The following ST3GAL5 variants were observed in gnomAD, a reference collection of about 807,000 sequenced individuals.
ST3GAL5 encodes the protein ST3 beta-galactoside alpha-2,3-sialyltransferase 5.
In ST3GAL5, 25 loss-of-function variants were observed where a neutral mutation model predicts 46.1. The ratio of observed to expected loss-of-function variants is 0.54; its 90% CI spans 0.40 to 0.76. The LOEUF is 0.76. Among genes scored for constraint, ST3GAL5 ranks in the 30% least tolerant of loss-of-function variants. The pLI, the probability that ST3GAL5 is intolerant of heterozygous loss-of-function variation, is 0.00. For synonymous variants in ST3GAL5, 182 were observed against 192.7 expected, an observed-to-expected ratio of 0.94 and a Z score of 0.46; for missense variants, 431 against 521.2, an observed-to-expected ratio of 0.83 and a Z score of 1.69.
chr2:85,847,116 A>AAACCAAAAAAGAATCTAGGATG (rs1682888884), intron 4 of ST3GAL5, among the ~76,000 whole-genome samples: 1 of 152,170 alleles, frequency 6.6e-6, no homozygotes, highest in Non-Finnish European at 1.5e-5. Flanking sequence ...TTAAACAGTG[A>AAACCAAAAAAGAATCTAGGATG]AACCAAAAAA....
chr2:85,848,037 A>G lies in ST3GAL5; in HGVS notation c.486T>C (p.Phe162=). 1 of 1,614,172 alleles carries G rather than the reference A, an allele frequency of 6.2e-7. No individual in the cohort carries two copies. Among genetic ancestry groups the G allele is most frequent in the African/African-American group, 1.3e-5 (1 of 75,044 alleles). The change falls in exon 4 of 7, where the codon TTT becomes TTC. Residue 162 remains phenylalanine, a synonymous_variant. Transcript: ENST00000638572. ...CTTTACTGGAGAACTTCCGGAACCCAAAAGGAGGATCGTACTTGGACTCAG... is the reference window on the plus strand; with the variant it reads ...CTTTACTGGAGAACTTCCGGAACCCGAAAGGAGGATCGTACTTGGACTCAG... ...SEAESKYDPP[F]GFRKFSSKVQ... is the part of the protein sequence containing the mutation.
At chr2:85,840,598 TGTTCACAC>T (rs1471416371) in intron 6 of ST3GAL5, 1 of 623,552 alleles carries the variant, frequency 1.6e-6, no homozygotes, top group Non-Finnish European at 2.8e-6. Flanking sequence ...TGGTCTGTGA[TGTTCACAC>T]ACTTTCAAGG....
chr2:85,846,673 T>C (rs1682829685), intron 4 of ST3GAL5, 110 bp from the exon 5 acceptor site: 6 of 1,080,072 alleles, frequency 5.6e-6, no homozygotes, highest in Non-Finnish European at 8.4e-6. Flanking sequence ...TGACTAAGAA[T>C]GAGTGCATGG....
At chr2:85,852,146 G>A (rs1683580266) in intron 3 of ST3GAL5, among the ~76,000 whole-genome samples, 1 of 152,144 alleles carries the variant, frequency 6.6e-6, no homozygotes, top group Non-Finnish European at 1.5e-5. Flanking sequence ...TTAGTAAAAG[G>A]CAATGTTCTA....
intron 6 of ST3GAL5, among the ~76,000 whole-genome samples, 181 bp downstream of exon 6, chr2:85,844,215 C>T (rs1682484682): frequency 1.3e-5 from 2 of 151,968 alleles, no homozygotes; most frequent in Admixed American, 1.3e-4. Flanking sequence ...GAGAGAAGGC[C>T]AATTAAACAA....
intron 3 of ST3GAL5, chr2:85,851,199 G>A (rs1683464476): frequency 2.0e-6 from 2 of 1,017,778 alleles, no homozygotes; most frequent in African/African-American, 3.4e-5. Context: ...ATAGATGTGA[G>A]CCACCACGCC....
chr2:85,861,042 G>A, intron 3 of ST3GAL5, 139 bp downstream of exon 3: 4 of 693,184 alleles, frequency 5.8e-6, no homozygotes, highest in Non-Finnish European at 1.0e-5. Flanking sequence ...TGGTTTTGGA[G>A]TGCTGAGATT....
Position 85,860,376 on chromosome 2 carries a change from C to T in ST3GAL5, c.318+805G>A, listed in dbSNP as rs567753660. On this transcript the variant is annotated intron_variant, in intron 3 of 6. Transcript: ENST00000638572. ...CATACATGTCAGTTATCATCCCTCT[C>T]ATGCTACTTTATTTAAAATCATCTC... 3.3e-5 allele frequency among the ~76,000 whole-genome samples: 5 copies of T among 152,268 alleles called. No homozygotes were observed. In the South Asian group the frequency reaches 1.0e-3, roughly 32 times the overall value.
At chr2:85,886,407 C>A (rs542329874) in intron 1 of ST3GAL5, among the ~76,000 whole-genome samples, 2 of 152,310 alleles carry the variant, frequency 1.3e-5, no homozygotes, top group Admixed American at 6.5e-5. Context: ...GAGTACAACA[C>A]AAGGGGAGCT....
chr2:85,860,027 G>A (rs1178264003), intron 3 of ST3GAL5, among the ~76,000 whole-genome samples: 1 of 152,110 alleles, frequency 6.6e-6, no homozygotes, highest in East Asian at 1.9e-4. Flanking sequence ...AATTCAAGCC[G>A]GGCTTCACCA....
chr2:85,880,513 C>T (rs532333887), intron 1 of ST3GAL5, among the ~76,000 whole-genome samples: 17 of 152,248 alleles, frequency 1.1e-4, no homozygotes, highest in African/African-American at 4.1e-4. Flanking sequence ...GAAACACACG[C>T]ACTGTCCCTC....
chr2:85,873,767 A>G (rs1373465313), intron 1 of ST3GAL5, among the ~76,000 whole-genome samples: 1 of 152,224 alleles, frequency 6.6e-6, no homozygotes, highest in African/African-American at 2.4e-5. Context: ...CCTTAGCTGG[A>G]GCATCAGGAG....
intron 1 of ST3GAL5, among the ~76,000 whole-genome samples, chr2:85,881,075 C>T: frequency 6.6e-6 from 1 of 152,148 alleles, no homozygotes; most frequent in Non-Finnish European, 1.5e-5. Flanking sequence ...CTGTGCTATT[C>T]TCATACTGAA....
intron 5 of ST3GAL5, chr2:85,844,861 C>G (rs1225455746): frequency 2.3e-6 from 1 of 431,210 alleles, no homozygotes; most frequent in Non-Finnish European, 4.3e-6. Context: ...TAGGGAAGCC[C>G]AAGTGAATAG....
At chr2:85,865,088 C>T (rs915448213) in intron 1 of ST3GAL5, among the ~76,000 whole-genome samples, 1 of 152,202 alleles carries the variant, frequency 6.6e-6, no homozygotes, top group African/African-American at 2.4e-5. Context: ...AGAGCTGCCA[C>T]TCTACTTCTG....
chr2:85,846,153 A>G (rs1245145029), intron 5 of ST3GAL5: 3 of 518,904 alleles, frequency 5.8e-6, no homozygotes, highest in African/African-American at 3.8e-5. Context: ...CCAAGACTGC[A>G]CCACTGCACT....
intron 3 of ST3GAL5, chr2:85,858,054 A>T (rs1251317761): frequency 2.6e-5 from 4 of 152,208 alleles, no homozygotes; most frequent in African/African-American, 9.7e-5. Context: ...AGGAGCTTGG[A>T]AGTAGCAGTG....
intron 1 of ST3GAL5, among the ~76,000 whole-genome samples, chr2:85,877,522 G>A (rs993686226): frequency 6.6e-6 from 1 of 152,222 alleles, no homozygotes; most frequent in South Asian, 2.1e-4. Context: ...GTGATCCTGT[G>A]CGCTTCTCAA....
chr2:85,885,557 G>A (rs1017522386), intron 1 of ST3GAL5, among the ~76,000 whole-genome samples: 6 of 152,142 alleles, frequency 3.9e-5, no homozygotes, highest in African/African-American at 9.7e-5. Flanking sequence ...GGTCGGGCGC[G>A]GTGGCTCACG....
Sources: gnomAD v4.1 joint callset for allele counts (sites outside exome capture counted in the v4.1 genomes callset) on GRCh38, gnomAD v4.1.1 for gene constraint, MANE v1.5 for transcripts, NCBI Gene and HGNC (gene_info 2026-07-23, HGNC 2026-07-21) for gene names.